The following NRN1 variants were observed in gnomAD, a reference collection of about 807,000 sequenced individuals.
The protein encoded by NRN1 is neuritin.
In NRN1, 4 loss-of-function variants were observed where a neutral mutation model predicts 15.0. That is an observed-to-expected ratio of 0.27 (90% CI 0.13 to 0.61). The LOEUF is 0.61. NRN1 is among the 20% of genes least tolerant of loss of function. The pLI, the probability that NRN1 is intolerant of heterozygous loss-of-function variation, is 0.87. For missense variants in NRN1, 134 were observed against 181.9 expected, an observed-to-expected ratio of 0.74 and a Z score of 1.51; for synonymous variants, 85 against 79.8, an observed-to-expected ratio of 1.07 and a Z score of -0.35.
At chr6:6,005,707 C>T (rs1381935386) in intron 1 of NRN1, among the ~76,000 whole-genome samples, 3 of 152,126 alleles carry the variant, frequency 2.0e-5, no homozygotes, top group Non-Finnish European at 4.4e-5. Context: ...TTCTTTTTTC[C>T]CCCGTGTTGT....
chr6:6,003,731 CTCTT>C, intron 1 of NRN1: 1 of 1,234,338 alleles, frequency 8.1e-7, no homozygotes, highest in African/African-American at 1.5e-5. Flanking sequence ...CTGTGGCCAT[CTCTT>C]TCCGCCCTGA....
chr6:6,005,425 A>G (rs1403571532), intron 1 of NRN1, among the ~76,000 whole-genome samples: 2 of 152,210 alleles, frequency 1.3e-5, no homozygotes, highest in African/African-American at 4.8e-5. Context: ...CTGCACTCAC[A>G]CACTCTAAAA....
Position 6,000,841 on chromosome 6 carries a change from G to A in NRN1, c.200+1512C>T, listed in dbSNP as rs1757927053. 1.4e-5 allele frequency among the ~76,000 whole-genome samples: 2 copies of A among 146,930 alleles called. 1 individual carries two copies. Among genetic ancestry groups the A allele is most frequent in the Admixed American group, 1.4e-4 (2 of 14,332 alleles). On this transcript the variant is annotated intron_variant, in intron 2 of 2. Transcript: ENST00000244766. The stretch of plus-strand genomic sequence containing the variant: ...GGGCAGAAGTGGGCTTCAGCTCCGT[G>A]TTGAGCAAACAGCTCCCCCAAATGA...
chr6:6,002,708 TG>T, intron 1 of NRN1: 1 of 629,828 alleles, frequency 1.6e-6, no homozygotes, highest in Non-Finnish European at 2.7e-6. Context: ...TAGTGCAAAT[TG>T]TCGGTGTGTG....
At chr6:6,002,251 G>T in intron 2 of NRN1, 102 bp downstream of exon 2, 1 of 1,441,164 alleles carries the variant, frequency 6.9e-7, no homozygotes, top group Non-Finnish European at 9.6e-7. Context: ...ATGCGGATTC[G>T]CGCTGGCGCT....
rs1304602522 is a variant in NRN1 at position 5,998,308 on chromosome 6, C to T, written c.*668G>A. ...CAACAACAGCAGATAAAGCTAACCC[C>T]TCAGTGACCATAGCAGCATGTCTTC... On this transcript the variant is annotated 3_prime_UTR_variant, in exon 3 of 3. Transcript: ENST00000244766. The T allele has an allele frequency of 1.3e-5, 2 of 152,234 alleles. No individual in the cohort carries two copies. Among genetic ancestry groups the T allele is most frequent in the Admixed American group, 1.3e-4 (2 of 15,276 alleles). The allele number at this position is 152,234 out of a possible 1,614,324, so 9.4% of individuals were successfully genotyped here.
intron 1 of NRN1, among the ~76,000 whole-genome samples, chr6:6,006,169 G>C (rs1242082382): frequency 6.6e-6 from 1 of 152,094 alleles, no homozygotes; most frequent in East Asian, 1.9e-4. Flanking sequence ...GGTCTGCGGT[G>C]CCCGTGCAAA....
chr6:6,006,929 G>C, upstream of NRN1: 1 of 299,746 alleles, frequency 3.3e-6, no homozygotes, highest in Non-Finnish European at 6.3e-6. Context: ...GAAAGAGAGA[G>C]AGAGAGAGAA....
rs1292519218 is a variant in NRN1 at position 5,999,195 on chromosome 6, C to A, written c.210G>T (p.Glu70Asp). ...TNIKTVCTYWEDFHSCTVTAL... is the reference protein window; with the variant it reads ...TNIKTVCTYWDDFHSCTVTAL... ...CTGTGACCGTGCAGCTGTGGAAATCCTCCCAGTATCTGGTGAGGAACAGAA... is the reference window on the plus strand; with the variant it reads ...CTGTGACCGTGCAGCTGTGGAAATCATCCCAGTATCTGGTGAGGAACAGAA... Residue 70 changes from glutamate (E) to aspartate (D), a missense_variant, in exon 3 of 3, where the codon GAG becomes GAT. By Grantham distance (45) the Glu-to-Asp change is conservative (BLOSUM62 2). Transcript: ENST00000244766. The A allele has an allele frequency of 6.2e-7, 1 of 1,613,074 alleles. No individual in the cohort carries two copies. Among genetic ancestry groups the A allele is most frequent in the Non-Finnish European group, 8.5e-7 (1 of 1,179,534 alleles).
rs1404023438 is a variant in NRN1 at position 5,998,742 on chromosome 6, T to C, written c.*234A>G. On this transcript the variant is annotated 3_prime_UTR_variant, in exon 3 of 3. Transcript: ENST00000244766. ...TTTGTGTGTGAAGACGGACTAAAGC[T>C]GAGGTCCGATTTTGGCTGTGCTTGC... 17 of 509,406 alleles carry C rather than the reference T, an allele frequency of 3.3e-5. No individual in the cohort carries two copies. Among genetic ancestry groups the C allele is most frequent in the Non-Finnish European group, 5.2e-5 (15 of 286,680 alleles). 31.6% of individuals were successfully genotyped at this position (509,406 alleles called of 1,614,324 possible). A position where few individuals can be genotyped will look rare whatever the true frequency, so the allele number is the denominator to read the frequency against.
In NRN1 at chr6:6,002,411, T is replaced by C; in HGVS notation, c.142A>G (p.Ser48Gly). Reference sequence around the variant, plus strand: ...AGGCCCTGCGGGTAGTTGGCCATGCTGTCGCCCAGCTTGAGCAAACAGTCC... The same window carrying C: ...AGGCCCTGCGGGTAGTTGGCCATGCCGTCGCCCAGCTTGAGCAAACAGTCC... ...FSDCLLKLGDSMANYPQGLDD... is the reference protein window; with the variant it reads ...FSDCLLKLGDGMANYPQGLDD... The change falls in exon 2 of 3, where the codon AGC becomes GGC. Residue 48 changes from serine (S) to glycine (G), a missense_variant. By Grantham distance (56) the Ser-to-Gly change is moderately conservative. Coordinates refer to ENST00000244766, the MANE Select transcript of NRN1 (RefSeq NM_016588.3). 3.7e-6 allele frequency: 6 copies of C among 1,614,228 alleles called. No individual in the cohort carries two copies. Among genetic ancestry groups the C allele is most frequent in the Non-Finnish European group, 5.1e-6 (6 of 1,180,024 alleles).
intron 2 of NRN1, among the ~76,000 whole-genome samples, 192 bp from the exon 3 acceptor site, chr6:5,999,396 A>T (rs1304000333): frequency 6.6e-6 from 1 of 152,152 alleles, no homozygotes; most frequent in Non-Finnish European, 1.5e-5. Context: ...CGCCTACCCC[A>T]GAAGCGGCTG....
chr6:6,001,747 C>A (rs1468716183), intron 2 of NRN1, among the ~76,000 whole-genome samples: 1 of 152,214 alleles, frequency 6.6e-6, no homozygotes, highest in Non-Finnish European at 1.5e-5. Context: ...GATAGCGTTT[C>A]GGCCTGTCTC....
intron 1 of NRN1, chr6:6,002,823 C>T (rs758499826): frequency 4.6e-6 from 2 of 432,476 alleles, no homozygotes; most frequent in African/African-American, 4.0e-5. Context: ...CCCCTCTTCT[C>T]ACCTCCCTCA....
In NRN1 at chr6:6,002,406, C is replaced by T; in HGVS notation, c.147G>A (p.Met49Ile). 6.2e-7 allele frequency: 1 copy of T among 1,614,236 alleles called. No homozygotes were observed. The highest frequency in any genetic ancestry group is 8.5e-7 in the Non-Finnish European group (1 of 1,180,026). The change falls in exon 2 of 3, where the codon ATG (methionine) becomes ATA (isoleucine). Residue 49 changes from methionine (M) to isoleucine (I), a missense_variant. By Grantham distance (10) the Met-to-Ile change is conservative. Coordinates refer to ENST00000244766, the MANE Select transcript of NRN1 (RefSeq NM_016588.3). Reference sequence around the variant, plus strand: ...CGTCCAGGCCCTGCGGGTAGTTGGCCATGCTGTCGCCCAGCTTGAGCAAAC... The same window carrying T: ...CGTCCAGGCCCTGCGGGTAGTTGGCTATGCTGTCGCCCAGCTTGAGCAAAC... Reference protein sequence around the residue: ...SDCLLKLGDSMANYPQGLDDK... With the variant: ...SDCLLKLGDSIANYPQGLDDK...
chr6:6,003,297 CG>C, intron 1 of NRN1: 2 of 1,222,452 alleles, frequency 1.6e-6, no homozygotes, highest in Non-Finnish European at 2.0e-6. Context: ...GGCCAGAGGC[CG>C]GGCGGGGTCA....
At chr6:6,004,020 G>A in intron 1 of NRN1, 1 of 1,198,930 alleles carries the variant, frequency 8.3e-7, no homozygotes, top group Non-Finnish European at 1.0e-6. Context: ...GCCAGACGCC[G>A]AAGAGGAAGG....
rs760207074 is a variant in NRN1 at position 5,999,054 on chromosome 6, C to A, written c.351G>T (p.Ala117=). ...LFELCGSGNG[A]AGSLLPAFPV... ...GGAACGCCGGGAGCAGGGACCCCGC[C>A]GCCCCGTTGCCGCTGCCGCAGAGTT... The change falls in exon 3 of 3, where the codon GCG becomes GCT. Residue 117 remains alanine (A), a synonymous_variant. Coordinates refer to ENST00000244766, the MANE Select transcript of NRN1 (RefSeq NM_016588.3). The A allele has an allele frequency of 6.2e-7, 1 of 1,614,020 alleles. No homozygotes were observed. Among genetic ancestry groups the A allele is most frequent in the South Asian group, 1.1e-5 (1 of 91,074 alleles).
chr6:6,004,412 G>A (rs1330530701), intron 1 of NRN1, among the ~76,000 whole-genome samples: 3 of 152,032 alleles, frequency 2.0e-5, no homozygotes, highest in African/African-American at 7.2e-5. Flanking sequence ...CCCCGTCCAC[G>A]TCTCTCCCCA....
Sources: allele counts gnomAD v4.1 joint callset (sites outside exome capture counted in the v4.1 genomes callset), GRCh38; gene constraint gnomAD v4.1.1; transcripts MANE v1.5; gene names NCBI Gene and HGNC (gene_info 2026-07-23, HGNC 2026-07-21).